Variants in KHDRBS3 observed in about 807,000 individuals in gnomAD.
KHDRBS3 encodes the protein KH domain-containing, RNA-binding, signal transduction-associated protein 3.
Under a neutral mutation model 45.6 loss-of-function variants are expected in KHDRBS3, and 23 were observed. The ratio of observed to expected loss-of-function variants is 0.50; its 90% confidence interval spans 0.36 to 0.72. The LOEUF is 0.72. KHDRBS3 is among the 30% of genes least tolerant of loss of function. KHDRBS3 has a pLI of 0.00. For synonymous variants in KHDRBS3, 162 were observed against 156.5 expected (o/e 1.04, Z -0.26); for missense variants, 352 against 424.8 (o/e 0.83, Z 1.51).
chr8:135,518,235 A>T (rs1025580502), intron 1 of KHDRBS3, among the ~76,000 whole-genome samples: 3 of 152,144 alleles, frequency 2.0e-5, no homozygotes, highest in Admixed American at 2.0e-4. Context: ...GTGCAGTGAC[A>T]CGATCTCACC....
chr8:135,482,101 A>C (rs1480469631), intron 1 of KHDRBS3, among the ~76,000 whole-genome samples: 1 of 152,224 alleles, frequency 6.6e-6, no homozygotes, highest in Non-Finnish European at 1.5e-5. Context: ...CACTGCCAGA[A>C]TAAATGCTTT....
chr8:135,475,403 C>G (rs1416078597), intron 1 of KHDRBS3, among the ~76,000 whole-genome samples: 2 of 86,550 alleles, frequency 2.3e-5, no homozygotes, highest in African/African-American at 9.7e-5. Flanking sequence ...CTTCCACCCC[C>G]TGGGTTCAAG....
intron 1 of KHDRBS3, among the ~76,000 whole-genome samples, chr8:135,503,503 C>G (rs1205838882): frequency 6.6e-6 from 1 of 152,018 alleles, no homozygotes; most frequent in African/African-American, 2.4e-5. Flanking sequence ...TTGGAATTGC[C>G]TTGGGACCCT....
chr8:135,656,379 G>T (rs1422143971), exon 5 of KHDRBS3: 2 of 152,164 alleles, frequency 1.3e-5, no homozygotes, highest in Non-Finnish European at 2.9e-5. Context: ...TATATGGTAT[G>T]CTTTTAATTT....
At chr8:135,514,326 C>G (rs1824455010) in intron 1 of KHDRBS3, among the ~76,000 whole-genome samples, 1 of 152,176 alleles carries the variant, frequency 6.6e-6, no homozygotes, top group African/African-American at 2.4e-5. Context: ...ATCTGTCAAC[C>G]AATGAATGGA....
intron 7 of KHDRBS3, among the ~76,000 whole-genome samples, chr8:135,612,540 G>A (rs973616257): frequency 6.6e-6 from 1 of 151,856 alleles, no homozygotes; most frequent in African/African-American, 2.4e-5. Flanking sequence ...TGTAGCACTT[G>A]ATGTCTTATC....
At chr8:135,581,281 C>G (rs1828194208) in intron 5 of KHDRBS3, among the ~76,000 whole-genome samples, 1 of 152,174 alleles carries the variant, frequency 6.6e-6, no homozygotes, top group East Asian at 1.9e-4. Flanking sequence ...GACTTGAAGT[C>G]TTATGATTTA....
intron 1 of KHDRBS3, among the ~76,000 whole-genome samples, chr8:135,482,595 C>G (rs1822637987): frequency 6.6e-6 from 1 of 152,044 alleles, no homozygotes; most frequent in South Asian, 2.1e-4. Flanking sequence ...CCATTTACTT[C>G]TTTGAGTTTT....
chr8:135,546,603 C>T (rs1321990871), intron 3 of KHDRBS3, among the ~76,000 whole-genome samples: 1 of 152,066 alleles, frequency 6.6e-6, no homozygotes, highest in East Asian at 1.9e-4. Flanking sequence ...TTATCATTTA[C>T]TGAGCGCTTA....
At chr8:135,530,394 A>G (rs1218723086) in intron 2 of KHDRBS3, among the ~76,000 whole-genome samples, 1 of 152,220 alleles carries the variant, frequency 6.6e-6, no homozygotes, top group Admixed American at 6.5e-5. Context: ...GGAAAATGGC[A>G]AAAATTCATG....
At chr8:135,649,090 T>C (rs1286453495), downstream of KHDRBS3, among the ~76,000 whole-genome samples, 1 of 152,200 alleles carries the variant, frequency 6.6e-6, no homozygotes, top group Non-Finnish European at 1.5e-5. Flanking sequence ...ATAAGTATTA[T>C]AAAATGTATT....
At chr8:135,633,158 GTTGT>G (rs1830675401) in intron 7 of KHDRBS3, among the ~76,000 whole-genome samples, 1 of 152,148 alleles carries the variant, frequency 6.6e-6, no homozygotes, top group African/African-American at 2.4e-5. Context: ...GTGAATTTGT[GTTGT>G]TTATTAAATA....
intron 3 of KHDRBS3, among the ~76,000 whole-genome samples, chr8:135,543,142 TAGTTG>T (rs1458163677): frequency 6.6e-6 from 1 of 152,150 alleles, no homozygotes; most frequent in East Asian, 1.9e-4. Context: ...ACCTTACATA[TAGTTG>T]AGTTTATAAT....
intron 5 of KHDRBS3, among the ~76,000 whole-genome samples, chr8:135,561,694 A>G (rs1375667290): frequency 6.6e-6 from 1 of 152,126 alleles, no homozygotes; most frequent in Non-Finnish European, 1.5e-5. Flanking sequence ...TTTTTGGTCA[A>G]GGACGGACAG....
chr8:135,481,223 G>GAGATAT (rs376347444), intron 1 of KHDRBS3, among the ~76,000 whole-genome samples: 36 of 77,402 alleles, frequency 4.7e-4, no homozygotes, highest in African/African-American at 1.7e-3. Context: ...TGAAAGCCAC[G>GAGATAT]ATATATATAT....
At chr8:135,554,734 T>C (rs1023485621) in intron 4 of KHDRBS3, among the ~76,000 whole-genome samples, 1 of 152,236 alleles carries the variant, frequency 6.6e-6, no homozygotes. Flanking sequence ...GGTGTTCATA[T>C]ATTTTTAATT....
intron 7 of KHDRBS3, among the ~76,000 whole-genome samples, chr8:135,624,284 A>C (rs1830267126): frequency 6.6e-6 from 1 of 152,218 alleles, no homozygotes; most frequent in African/African-American, 2.4e-5. Context: ...CCCAGTGGGC[A>C]AAGGGAGCAG....
chr8:135,479,102 C>G (rs190057535), intron 1 of KHDRBS3, among the ~76,000 whole-genome samples: 5 of 152,246 alleles, frequency 3.3e-5, no homozygotes, highest in Admixed American at 2.6e-4. Flanking sequence ...CTGTAGATGT[C>G]TGTTAAGTGT....
chr8:135,553,750 T>A (rs1826733425), intron 4 of KHDRBS3, among the ~76,000 whole-genome samples: 1 of 152,202 alleles, frequency 6.6e-6, no homozygotes. Flanking sequence ...TACATTTGAA[T>A]AGATTGTAAG....
Sources: allele counts gnomAD v4.1 joint callset (sites outside exome capture counted in the v4.1 genomes callset), GRCh38; gene constraint gnomAD v4.1.1; transcripts MANE v1.5; gene names NCBI Gene and HGNC (gene_info 2026-07-23, HGNC 2026-07-21).